Variants in ADAMTS6 observed in about 807,000 individuals in gnomAD.
ADAMTS6 encodes A disintegrin and metalloproteinase with thrombospondin motifs 6.
In ADAMTS6, 23 loss-of-function variants were observed where a neutral mutation model predicts 144.3. That is an observed-to-expected ratio of 0.16 (90% CI 0.11 to 0.23). ADAMTS6 has a LOEUF of 0.23. Ranked by LOEUF, ADAMTS6 falls within the 10% of genes least tolerant of loss-of-function variation. ADAMTS6 has a pLI of 1.00. For synonymous variants in ADAMTS6, 444 were observed against 457.5 expected, an observed-to-expected ratio of 0.97 and a Z score of 0.38; for missense variants, 999 against 1,379.6, an observed-to-expected ratio of 0.72 and a Z score of 4.37.
At chr5:65,351,497 T>C (rs1283456235) in intron 7 of ADAMTS6, among the ~76,000 whole-genome samples, 1 of 152,270 alleles carries the variant, frequency 6.6e-6, no homozygotes, top group Non-Finnish European at 1.5e-5. Flanking sequence ...TACCTTGGTC[T>C]ACTAGGCATT....
intron 10 of ADAMTS6, among the ~76,000 whole-genome samples, chr5:65,293,114 T>A (rs1047887321): frequency 3.9e-5 from 6 of 152,018 alleles, no homozygotes; most frequent in Admixed American, 2.0e-4. Context: ...GACAAAGAGG[T>A]CATATTTGAA....
intron 22 of ADAMTS6, among the ~76,000 whole-genome samples, chr5:65,184,825 A>G (rs530909923): frequency 1.1e-4 from 17 of 150,826 alleles, no homozygotes; most frequent in African/African-American, 3.7e-4. Flanking sequence ...TCCTTTTGCC[A>G]TAAGTACTGG....
intron 14 of ADAMTS6, among the ~76,000 whole-genome samples, chr5:65,254,645 A>G (rs2112561101): frequency 6.6e-6 from 1 of 152,282 alleles, no homozygotes; most frequent in Admixed American, 6.5e-5. Context: ...CATCATGTGC[A>G]GTCCAATTTT....
chr5:65,221,656 GA>G (rs1442670482), intron 18 of ADAMTS6, among the ~76,000 whole-genome samples: 1 of 151,906 alleles, frequency 6.6e-6, no homozygotes, highest in African/African-American at 2.4e-5. Flanking sequence ...TATAAGGCAA[GA>G]AAAAAGAAAT....
intron 14 of ADAMTS6, among the ~76,000 whole-genome samples, chr5:65,243,893 C>A (rs1759417123): frequency 6.6e-6 from 1 of 152,038 alleles, no homozygotes; most frequent in Non-Finnish European, 1.5e-5. Context: ...TATAAAGCAC[C>A]AGTCACCTAA....
At chr5:65,432,822 T>C (rs1757097789) in intron 7 of ADAMTS6, among the ~76,000 whole-genome samples, 1 of 152,130 alleles carries the variant, frequency 6.6e-6, no homozygotes, top group Non-Finnish European at 1.5e-5. Flanking sequence ...ATGTCACTTC[T>C]TTTCCTCAAA....
chr5:65,206,961 A>G (rs1172585558), intron 20 of ADAMTS6, among the ~76,000 whole-genome samples: 1 of 152,052 alleles, frequency 6.6e-6, no homozygotes, highest in African/African-American at 2.4e-5. Flanking sequence ...TACAAATAAA[A>G]TTAGACTATG....
At chr5:65,182,164 G>A (rs1754395798) in intron 22 of ADAMTS6, among the ~76,000 whole-genome samples, 1 of 152,126 alleles carries the variant, frequency 6.6e-6, no homozygotes, top group Non-Finnish European at 1.5e-5. Flanking sequence ...AGAAGGATAA[G>A]CCTGGGTGCG....
At chr5:65,320,296 C>T (rs1289622552) in intron 9 of ADAMTS6, among the ~76,000 whole-genome samples, 2 of 152,108 alleles carry the variant, frequency 1.3e-5, no homozygotes, top group African/African-American at 4.8e-5. Flanking sequence ...CAGCGTATCA[C>T]AAATGTTAAT....
At chr5:65,429,968 G>GT (rs1370755092) in intron 7 of ADAMTS6, among the ~76,000 whole-genome samples, 1 of 151,912 alleles carries the variant, frequency 6.6e-6, no homozygotes, top group African/African-American at 2.4e-5. Context: ...ACTTCATGAA[G>GT]TTTTTAAAAT....
chr5:65,270,578 T>C (rs1385566138), intron 12 of ADAMTS6, among the ~76,000 whole-genome samples: 1 of 152,220 alleles, frequency 6.6e-6, no homozygotes, highest in Non-Finnish European at 1.5e-5. Context: ...CCTTTTCCTT[T>C]CTAGGAATCT....
In ADAMTS6 at chr5:65,164,174, G is replaced by A. The variant is rs1241353732; in HGVS notation, c.3244+6443C>T. On this transcript the variant is annotated intron_variant, in intron 24 of 24. Transcript: ENST00000381055. ...AGTGGGCGCAGGCCAGTGGGTGCGC[G>A]CACCGTGCGCGAGCCGAAGCAGGGC... 2.6e-5 allele frequency among the ~76,000 whole-genome samples: 4 copies of A among 151,942 alleles called. No homozygotes were observed. In the East Asian group the frequency reaches 5.8e-4, roughly 22 times the overall value.
chr5:65,231,996 A>G (rs1403304685), intron 15 of ADAMTS6, among the ~76,000 whole-genome samples: 1 of 152,098 alleles, frequency 6.6e-6, no homozygotes, highest in East Asian at 1.9e-4. Context: ...CTGTAATCCC[A>G]GCTACTCGGG....
At chr5:65,317,872 G>A (rs956751901) in intron 9 of ADAMTS6, among the ~76,000 whole-genome samples, 6 of 152,126 alleles carry the variant, frequency 3.9e-5, no homozygotes, top group Admixed American at 6.5e-5. Flanking sequence ...AGGAGATCGA[G>A]ACCATCCTGG....
intron 18 of ADAMTS6, among the ~76,000 whole-genome samples, chr5:65,219,656 C>T (rs1026996414): frequency 1.3e-5 from 2 of 152,138 alleles, no homozygotes; most frequent in Non-Finnish European, 2.9e-5. Context: ...GATTCTCCTG[C>T]CTCTGCCTCC....
At chr5:65,187,961 GGATA>G (rs1754772577) in intron 22 of ADAMTS6, 51 bp downstream of exon 22, 6 of 1,571,532 alleles carry the variant, frequency 3.8e-6, no homozygotes, top group African/African-American at 2.7e-5. Context: ...AACTGCTTTA[GGATA>G]GATAGTTAGG....
intron 4 of ADAMTS6, among the ~76,000 whole-genome samples, chr5:65,455,868 C>T (rs1287804954): frequency 1.3e-5 from 2 of 151,832 alleles, no homozygotes; most frequent in Non-Finnish European, 2.9e-5. Flanking sequence ...TTATCATCAT[C>T]TTTGTTATTG....
intron 3 of ADAMTS6, among the ~76,000 whole-genome samples, chr5:65,468,728 A>G (rs183455824): frequency 1.1e-4 from 16 of 152,308 alleles, no homozygotes; most frequent in Admixed American, 8.5e-4. Flanking sequence ...ACATTTTGTC[A>G]TCTCCTTCAT....
rs140453320 is a variant in ADAMTS6 at position 65,189,412 on chromosome 5, T to C, written c.2706-1192A>G. Among the ~76,000 whole-genome samples the C allele has an allele frequency of 8.8e-3, 1,333 of 152,242 alleles. 11 individuals carry two copies. Among genetic ancestry groups the C allele is most frequent in the Non-Finnish European group, 0.014 (957 of 68,012 alleles). ...TCACAAAGGTGCATAAGATGATGAGTTCAGAGCTGCAGTGGCTGGGTTCCC... is the reference window on the plus strand; with the variant it reads ...TCACAAAGGTGCATAAGATGATGAGCTCAGAGCTGCAGTGGCTGGGTTCCC... On this transcript the variant is annotated intron_variant, in intron 21 of 24. Coordinates refer to ENST00000381055, the MANE Select transcript of ADAMTS6 (RefSeq NM_197941.4).
Sources: allele counts gnomAD v4.1 joint callset (sites outside exome capture counted in the v4.1 genomes callset), GRCh38; gene constraint gnomAD v4.1.1; transcripts MANE v1.5; gene names NCBI Gene and HGNC (gene_info 2026-07-23, HGNC 2026-07-21).